The following CDC27 variants were observed in gnomAD, a reference collection of about 807,000 sequenced individuals.
CDC27 encodes the protein cell division cycle 27.
Under a neutral mutation model 109.7 loss-of-function variants are expected in CDC27, and 27 were observed. That is an observed-to-expected ratio of 0.25 (90% confidence interval 0.18 to 0.34). The LOEUF (loss-of-function observed/expected upper bound fraction) is 0.34, where lower values mean the gene tolerates loss of function less well. CDC27 is among the 10% of genes least tolerant of loss of function. The pLI is 1.00. For missense variants in CDC27, 579 were observed against 960.2 expected (o/e 0.60, Z 5.25); for synonymous variants, 266 against 333.9 (o/e 0.80, Z 2.22).
chr17:47,129,836 CTATCTT>C (rs1285047964), intron 15 of CDC27, among the ~76,000 whole-genome samples: 1 of 152,142 alleles, frequency 6.6e-6, no homozygotes, highest in Non-Finnish European at 1.5e-5. Flanking sequence ...AATCAATAGT[CTATCTT>C]TAGAGCAGAT....
intron 9 of CDC27, among the ~76,000 whole-genome samples, chr17:47,145,209 T>C (rs1015379886): frequency 6.6e-6 from 1 of 152,216 alleles, no homozygotes; most frequent in African/African-American, 2.4e-5. Flanking sequence ...AGGACAGTTC[T>C]AGGGCCACCT....
At chr17:47,123,306 TA>T (rs911406415) in intron 17 of CDC27, among the ~76,000 whole-genome samples, 1 of 152,106 alleles carries the variant, frequency 6.6e-6, no homozygotes, top group Non-Finnish European at 1.5e-5. Context: ...GTCTAGTCTG[TA>T]AAAAACTGAC....
At chr17:47,155,485 A>G (rs1398567493) in intron 7 of CDC27, among the ~76,000 whole-genome samples, 1 of 152,156 alleles carries the variant, frequency 6.6e-6, no homozygotes, top group African/African-American at 2.4e-5. Flanking sequence ...GTCTCAAGTG[A>G]TCTGCCCACC....
At chr17:47,133,058 C>CATACAT (rs1458970297) in intron 14 of CDC27, among the ~76,000 whole-genome samples, 1,228 of 30,836 alleles carry the variant, frequency 0.04, 53 homozygotes, top group Admixed American at 0.16. Context: ...CACACACATA[C>CATACAT]ATATACACAC....
intron 4 of CDC27, among the ~76,000 whole-genome samples, chr17:47,166,634 T>C (rs1204653302): frequency 1.3e-5 from 2 of 152,200 alleles, no homozygotes; most frequent in African/African-American, 4.8e-5. Context: ...TTCTGTTTGC[T>C]TGGATTTACT....
chr17:47,172,713 T>C (rs1210369084), intron 2 of CDC27, among the ~76,000 whole-genome samples: 1 of 152,170 alleles, frequency 6.6e-6, no homozygotes, highest in Non-Finnish European at 1.5e-5. Flanking sequence ...CATTAGGAAA[T>C]GCCCCCTGCC....
chr17:47,165,884 C>T (rs1339769965), intron 4 of CDC27, among the ~76,000 whole-genome samples: 2 of 152,148 alleles, frequency 1.3e-5, no homozygotes. Flanking sequence ...ATTGCACTGG[C>T]ACCATTATTT....
intron 9 of CDC27, among the ~76,000 whole-genome samples, chr17:47,147,401 AAAC>A (rs2062996969): frequency 2.4e-5 from 2 of 82,430 alleles, no homozygotes; most frequent in South Asian, 8.2e-4. Context: ...TCCGTCTCAA[AAAC>A]AAACAAACAA....
chr17:47,188,819 G>A (rs2064554186), intron 1 of CDC27: 16 of 1,236,800 alleles, frequency 1.3e-5, no homozygotes, highest in Non-Finnish European at 1.5e-5. Flanking sequence ...CGCTTGGGGT[G>A]CATTTTCGGC....
intron 1 of CDC27, among the ~76,000 whole-genome samples, chr17:47,187,657 A>G (rs1681733956): frequency 6.6e-6 from 1 of 152,038 alleles, no homozygotes; most frequent in African/African-American, 2.4e-5. Context: ...TAGTCTATCA[A>G]TGCAACTAGT....
intron 9 of CDC27, among the ~76,000 whole-genome samples, chr17:47,146,216 T>C (rs1214416812): frequency 6.6e-6 from 1 of 152,224 alleles, no homozygotes; most frequent in Non-Finnish European, 1.5e-5. Flanking sequence ...TCATTAAGTA[T>C]AGCACTTTCC....
chr17:47,152,687 C>A (rs1256916506), intron 8 of CDC27, among the ~76,000 whole-genome samples: 1 of 152,132 alleles, frequency 6.6e-6, no homozygotes, highest in African/African-American at 2.4e-5. Context: ...GTACACAATC[C>A]TCAAACTGCA....
intron 5 of CDC27, among the ~76,000 whole-genome samples, chr17:47,157,794 G>A (rs137873918): frequency 5.3e-5 from 8 of 152,240 alleles, no homozygotes; most frequent in African/African-American, 1.4e-4. Flanking sequence ...CTGAAAAATG[G>A]TCCTTTATGT....
At position 47,143,863 on chromosome 17, in the gene CDC27, T is replaced by C. The variant is rs772734148; in HGVS notation, c.1170+20A>G. The C allele has an allele frequency of 1.9e-5, 23 of 1,231,914 alleles. No individual in the cohort carries two copies. The South Asian group carries it at 4.2e-4, about 22-fold the overall frequency. 76.3% of individuals were successfully genotyped at this position (1,231,914 alleles called of 1,614,324 possible). A position where few individuals can be genotyped will look rare whatever the true frequency, so the allele number is the denominator to read the frequency against. ...GGCGAAGCATTAAGTAAATGTGACA[T>C]ACAGAAATCTTTAAATTACCTTGGT... On this transcript the variant is annotated intron_variant, in intron 10 of 18. Transcript: ENST00000066544.
intron 2 of CDC27, among the ~76,000 whole-genome samples, chr17:47,178,683 A>C (rs546477703): frequency 3.3e-5 from 5 of 152,278 alleles, no homozygotes; most frequent in Non-Finnish European, 5.9e-5. Context: ...TTAGTCCTTA[A>C]AACTATCTTG....
chr17:47,172,209 T>C (rs982642744), intron 2 of CDC27, 145 bp from the exon 3 acceptor site: 3 of 545,682 alleles, frequency 5.5e-6, no homozygotes, highest in Non-Finnish European at 9.1e-6. Flanking sequence ...CAAATTTGAA[T>C]TATGGAGAAA....
chr17:47,125,940 C>T (rs1299027616), intron 16 of CDC27, among the ~76,000 whole-genome samples: 1 of 152,194 alleles, frequency 6.6e-6, no homozygotes, highest in Non-Finnish European at 1.5e-5. Context: ...TCTATGATTG[C>T]ATATTATAAT....
At chr17:47,122,874 A>G (rs1372831762) in intron 17 of CDC27, among the ~76,000 whole-genome samples, 2 of 152,100 alleles carry the variant, frequency 1.3e-5, no homozygotes, top group African/African-American at 4.8e-5. Context: ...GGGTTTTGCC[A>G]TGTTAGCTAG....
chr17:47,132,567 TA>T (rs887319336), intron 14 of CDC27, among the ~76,000 whole-genome samples, 193 bp from the exon 15 acceptor site: 2 of 151,526 alleles, frequency 1.3e-5, no homozygotes, highest in South Asian at 2.1e-4. Context: ...TATTTTTAAA[TA>T]AAAAAATTTT....
Sources: gnomAD v4.1 joint callset for allele counts (sites outside exome capture counted in the v4.1 genomes callset) on GRCh38, gnomAD v4.1.1 for gene constraint, MANE v1.5 for transcripts, NCBI Gene and HGNC (gene_info 2026-07-23, HGNC 2026-07-21) for gene names.